ARHGEF10: variants seen among roughly 807,000 people sequenced by gnomAD.
The protein encoded by ARHGEF10 is Rho guanine nucleotide exchange factor (GEF) 10.
In ARHGEF10, 140 loss-of-function variants were observed where a neutral mutation model predicts 147.4. The observed-to-expected ratio is 0.95, with a 90% CI of 0.83 to 1.09. ARHGEF10 has a LOEUF of 1.09. Among genes scored for constraint, ARHGEF10 ranks in the 50% least tolerant of loss-of-function variants. The probability of loss-of-function intolerance (pLI) is 0.00; values close to 1 mark genes in which losing one functional copy is unlikely to be tolerated. For missense variants in ARHGEF10, 2,222 were observed against 1,752.7 expected (o/e 1.27, Z -4.78); for synonymous variants, 902 against 695.8 (o/e 1.30, Z -4.67).
At chr8:1,834,414 GAC>G (rs1355249431) in intron 1 of ARHGEF10, among the ~76,000 whole-genome samples, 2 of 152,160 alleles carry the variant, frequency 1.3e-5, no homozygotes, top group African/African-American at 4.8e-5. Context: ...CAGAGCTGGA[GAC>G]ACAGGCCCAG....
At chr8:1,831,183 G>A (rs1803075563) in intron 1 of ARHGEF10, among the ~76,000 whole-genome samples, 5 of 152,120 alleles carry the variant, frequency 3.3e-5, no homozygotes, top group Admixed American at 1.3e-4. Context: ...GTAGCAGACA[G>A]GGTGATGGAC....
intron 14 of ARHGEF10, 140 bp downstream of exon 14, chr8:1,896,589 T>C: frequency 1.4e-6 from 1 of 727,256 alleles, no homozygotes; most frequent in Non-Finnish European, 2.4e-6. Flanking sequence ...ATGCTAGAAA[T>C]GAAGATGAAT....
In ARHGEF10 at chr8:1,880,232, G is replaced by A. The variant is rs532437993; in HGVS notation, c.960+68G>A. On this transcript the variant is annotated intron_variant, in intron 9 of 28. Coordinates refer to ENST00000349830, the MANE Select transcript of ARHGEF10 (RefSeq NM_014629.4). ...GCAGTAAAGAAAAACCGCGCGGCTC[G>A]GTCGGTCCTTGCTGTCTCAACAGCG... The A allele has an allele frequency of 2.6e-3, 2,827 of 1,107,142 alleles. 6 individuals carry two copies. The highest frequency in any genetic ancestry group is 2.2e-3 in the Non-Finnish European group (1,601 of 725,654). The allele number at this position is 1,107,142 out of a possible 1,614,324, so 68.6% of individuals were successfully genotyped here.
Position 1,925,357 on chromosome 8 carries a change from C to G in ARHGEF10, c.2563C>G (p.Leu855Val). Reference protein sequence around the residue: ...NHIKKEKHPLLVGHMPVMVAK... With the variant: ...NHIKKEKHPLVVGHMPVMVAK... ...CATTAAAAAGGAGAAGCATCCTCTCCTCGTCGGACACATGCCCGTGATGGT... is the reference window on the plus strand; with the variant it reads ...CATTAAAAAGGAGAAGCATCCTCTCGTCGTCGGACACATGCCCGTGATGGT... Residue 855 changes from leucine to valine, a missense_variant, in exon 22 of 29, where the codon CTC (leucine) becomes GTC (valine). Leu to Val is a conservative substitution (Grantham distance 32). Transcript: ENST00000349830. 1.2e-6 allele frequency: 2 copies of G among 1,614,210 alleles called. No homozygotes were observed. The highest frequency in any genetic ancestry group is 1.7e-6 in the Non-Finnish European group (2 of 1,180,042).
chr8:1,939,410 C>T (rs933555971), intron 26 of ARHGEF10, among the ~76,000 whole-genome samples: 2 of 152,202 alleles, frequency 1.3e-5, no homozygotes, highest in Non-Finnish European at 2.9e-5. Context: ...GCTCTCAGTC[C>T]CAGGATGGCT....
chr8:1,935,509 T>C (rs937579781), intron 26 of ARHGEF10, among the ~76,000 whole-genome samples: 3 of 152,186 alleles, frequency 2.0e-5, no homozygotes, highest in Non-Finnish European at 4.4e-5. Context: ...TTCTTCAGAT[T>C]GACAGAAGGT....
At position 1,843,371 on chromosome 8, in the gene ARHGEF10, G is replaced by A. The variant is rs186575667; in HGVS notation, c.-29G>A. The A allele has an allele frequency of 5.5e-5, 89 of 1,612,802 alleles. No homozygotes were observed. The East Asian group carries it at 1.9e-3, about 34-fold the overall frequency. The stretch of plus-strand genomic sequence containing the variant: ...CTTGCAGGAGCTCCTTCCCTTAACA[G>A]AGCTGAGAGAGGCATCTGGAGCTGC... On this transcript the variant is annotated 5_prime_UTR_variant, in exon 2 of 29. Transcript: ENST00000349830.
chr8:1,831,568 C>G (rs1231487640), intron 1 of ARHGEF10, among the ~76,000 whole-genome samples: 3 of 93,968 alleles, frequency 3.2e-5, no homozygotes, highest in Non-Finnish European at 6.9e-5. Context: ...AGTGTGACAT[C>G]CGTGGAGGGA....
chr8:1,838,252 C>T (rs1803710681), intron 1 of ARHGEF10, among the ~76,000 whole-genome samples: 1 of 152,216 alleles, frequency 6.6e-6, no homozygotes, highest in African/African-American at 2.4e-5. Flanking sequence ...GCCAGCGTCC[C>T]AGGGAAAGAT....
At chr8:1,857,930 C>G in intron 2 of ARHGEF10, 30 bp from the exon 3 acceptor site, 2 of 1,560,562 alleles carry the variant, frequency 1.3e-6, no homozygotes, top group Non-Finnish European at 8.8e-7. Flanking sequence ...ATCTATCTCT[C>G]CTTGATGTGG....
At chr8:1,869,347 T>C in intron 7 of ARHGEF10, 97 bp downstream of exon 7, 1 of 1,035,494 alleles carries the variant, frequency 9.7e-7, no homozygotes, top group South Asian at 1.3e-5. Flanking sequence ...CCAGACGTTT[T>C]CTGTATTCAT....
intron 26 of ARHGEF10, among the ~76,000 whole-genome samples, chr8:1,944,159 C>T (rs988778262): frequency 1.4e-5 from 2 of 147,524 alleles, no homozygotes; most frequent in East Asian, 2.0e-4. Context: ...TCGCCTCCCT[C>T]GGGATCCCAG....
intron 2 of ARHGEF10, among the ~76,000 whole-genome samples, chr8:1,854,530 A>G (rs1026217163): frequency 4.6e-5 from 7 of 151,730 alleles, no homozygotes; most frequent in Non-Finnish European, 8.8e-5. Flanking sequence ...TTTGCAGAGG[A>G]TGGAGGGCAG....
chr8:1,849,950 G>A (rs1423598343), intron 2 of ARHGEF10, among the ~76,000 whole-genome samples: 17 of 135,400 alleles, frequency 1.3e-4, no homozygotes, highest in Non-Finnish European at 1.9e-4. Context: ...GGACACAGAG[G>A]GCAAATGCTG....
At chr8:1,919,298 A>G (rs1226524341) in intron 18 of ARHGEF10, among the ~76,000 whole-genome samples, 2 of 116,314 alleles carry the variant, frequency 1.7e-5, no homozygotes, top group Non-Finnish European at 3.5e-5. Flanking sequence ...GAGTTGTTTT[A>G]TGGGTAATGG....
At chr8:1,905,490 C>T (rs1810810416) in intron 16 of ARHGEF10, 81 bp from the exon 17 acceptor site, 2 of 1,572,552 alleles carry the variant, frequency 1.3e-6, no homozygotes, top group African/African-American at 1.3e-5. Flanking sequence ...CACCCTGAGA[C>T]TCCATACCAG....
chr8:1,870,306 A>G (rs1807006570), intron 7 of ARHGEF10: 1 of 150,522 alleles, frequency 6.6e-6, no homozygotes, highest in African/African-American at 2.5e-5. Flanking sequence ...TGCTAAGAAA[A>G]TAGGAATAGA....
At chr8:1,830,981 CCAGGAACAGCAG>C (rs1803063052) in intron 1 of ARHGEF10, among the ~76,000 whole-genome samples, 1 of 152,218 alleles carries the variant, frequency 6.6e-6, no homozygotes, top group African/African-American at 2.4e-5. Flanking sequence ...CCCAGCATGT[CCAGGAACAGCAG>C]GTCGGCCAGG....
chr8:1,877,277 G>C (rs528352206), intron 8 of ARHGEF10, among the ~76,000 whole-genome samples: 1 of 152,198 alleles, frequency 6.6e-6, no homozygotes, highest in Admixed American at 6.5e-5. Context: ...TCCCAGGCTG[G>C]AGTGCAATGG....
Sources: allele counts gnomAD v4.1 joint callset (sites outside exome capture counted in the v4.1 genomes callset), GRCh38; gene constraint gnomAD v4.1.1; transcripts MANE v1.5; gene names NCBI Gene and HGNC (gene_info 2026-07-23, HGNC 2026-07-21).